Variants in FBXL2 observed in about 807,000 individuals in gnomAD.
FBXL2 encodes the protein F-box/LRR-repeat protein 2.
Under a neutral mutation model 69.2 loss-of-function variants are expected in FBXL2, and 38 were observed. The ratio of observed to expected loss-of-function variants is 0.55; its 90% CI spans 0.42 to 0.72. The LOEUF is 0.72. FBXL2 is among the 30% of genes least tolerant of loss of function. The pLI is 0.00. For synonymous variants in FBXL2, 192 were observed against 201.3 expected, an observed-to-expected ratio of 0.95 and a Z score of 0.39; for missense variants, 354 against 520.3, an observed-to-expected ratio of 0.68 and a Z score of 3.11.
downstream of FBXL2, chr3:33,392,661 C>T (rs372394505): frequency 3.9e-6 from 6 of 1,526,750 alleles, no homozygotes; most frequent in Non-Finnish European, 5.4e-6. Flanking sequence ...ATCCAACTGT[C>T]GTTTCTTAAA....
intron 2 of FBXL2, among the ~76,000 whole-genome samples, chr3:33,301,933 T>A (rs775041632): frequency 5.1e-4 from 78 of 152,220 alleles, no homozygotes; most frequent in Admixed American, 8.5e-4. Context: ...GTTACTTAAC[T>A]CTCTGGGCCT....
chr3:33,328,825 G>C (rs1222257960), intron 2 of FBXL2, among the ~76,000 whole-genome samples: 7 of 151,892 alleles, frequency 4.6e-5, no homozygotes, highest in African/African-American at 1.2e-4. Flanking sequence ...GTGTGTGTGT[G>C]TGTGTGTGTA....
intron 1 of FBXL2, among the ~76,000 whole-genome samples, chr3:33,291,316 G>T (rs1458397470): frequency 6.6e-6 from 1 of 152,078 alleles, no homozygotes; most frequent in Non-Finnish European, 1.5e-5. Flanking sequence ...GAGAAATAAA[G>T]ATATTTTTGA....
intron 1 of FBXL2, among the ~76,000 whole-genome samples, chr3:33,286,679 G>T (rs2034654192): frequency 6.6e-6 from 1 of 152,236 alleles, no homozygotes; most frequent in African/African-American, 2.4e-5. Context: ...GCTGCAGTGG[G>T]CTCCGCCCAG....
At chr3:33,409,160 A>G in the FBXL2 span, 23 of 1,388,692 alleles carry the variant, frequency 1.7e-5, no homozygotes, top group Non-Finnish European at 2.2e-5. Context: ...ACCCTTTTGT[A>G]GCAGAACTCA....
At chr3:33,331,328 G>A (rs1416568597) in intron 2 of FBXL2, among the ~76,000 whole-genome samples, 1 of 152,000 alleles carries the variant, frequency 6.6e-6, no homozygotes, top group East Asian at 1.9e-4. Flanking sequence ...CCAGTTACAG[G>A]TATCCTAAGA....
At chr3:33,328,186 T>C (rs994978248) in intron 2 of FBXL2, among the ~76,000 whole-genome samples, 1 of 152,080 alleles carries the variant, frequency 6.6e-6, no homozygotes, top group Non-Finnish European at 1.5e-5. Flanking sequence ...AAAACATTGA[T>C]GAAAGAAATT....
At chr3:33,373,526 T>G (rs1016336809) in intron 7 of FBXL2, 52 bp from the exon 8 acceptor site, 98 of 1,612,578 alleles carry the variant, frequency 6.1e-5, no homozygotes, top group Middle Eastern at 1.7e-4. Flanking sequence ...AGTTGGTCAT[T>G]AACTCTCTAC....
chr3:33,371,995 G>C (rs1476029135), intron 5 of FBXL2, among the ~76,000 whole-genome samples: 1 of 152,188 alleles, frequency 6.6e-6, no homozygotes, highest in East Asian at 1.9e-4. Context: ...TCTGGCTACT[G>C]TTTCCTTTAA....
intron 2 of FBXL2, among the ~76,000 whole-genome samples, chr3:33,343,128 T>A (rs1328251036): frequency 6.6e-6 from 1 of 151,964 alleles, no homozygotes; most frequent in African/African-American, 2.4e-5. Context: ...TACTCATGAA[T>A]TAGTATAGTA....
intron 2 of FBXL2, among the ~76,000 whole-genome samples, chr3:33,307,333 T>G (rs943066954): frequency 1.3e-5 from 2 of 152,174 alleles, no homozygotes; most frequent in Non-Finnish European, 2.9e-5. Context: ...TACAAAGTAA[T>G]TGGCCTATTT....
intron 2 of FBXL2, among the ~76,000 whole-genome samples, chr3:33,326,286 G>C (rs1328894947): frequency 6.6e-6 from 1 of 152,040 alleles, no homozygotes; most frequent in African/African-American, 2.4e-5. Flanking sequence ...GGATCACAAG[G>C]TCAGGAGATT....
At position 33,364,661 on chromosome 3, in the gene FBXL2, G is replaced by A; in HGVS notation, c.232G>A (p.Gly78Arg). ...GGAAAATATCTCGAAGCGATGCGGT[G>A]GATTCCTGAGGAAGCTCAGCTTGCG... ...VVENISKRCG[G>R]FLRKLSLRGC... is the part of the protein sequence containing the mutation. Residue 78 changes from glycine to arginine, a missense_variant, in exon 5 of 15, where the codon GGA (glycine) becomes AGA (arginine). Gly to Arg is a moderately radical substitution (Grantham distance 125). Coordinates refer to ENST00000484457, the MANE Select transcript of FBXL2 (RefSeq NM_012157.5). 6.2e-7 allele frequency: 1 copy of A among 1,614,198 alleles called. No homozygotes were observed. Among genetic ancestry groups the A allele is most frequent in the South Asian group, 1.1e-5 (1 of 91,076 alleles).
chr3:33,418,757 G>A, the FBXL2 span, among the ~76,000 whole-genome samples: 43 of 150,992 alleles, frequency 2.8e-4, no homozygotes, highest in African/African-American at 1.0e-3. Flanking sequence ...TACTTGGGAA[G>A]CTGAGGCAGA....
At chr3:33,422,277 A>G in the FBXL2 span, among the ~76,000 whole-genome samples, 1 of 152,006 alleles carries the variant, frequency 6.6e-6, no homozygotes, top group Non-Finnish European at 1.5e-5. Flanking sequence ...TATACCTTTA[A>G]GGACTACATC....
the FBXL2 span, among the ~76,000 whole-genome samples, chr3:33,411,004 C>T: frequency 6.8e-6 from 1 of 147,966 alleles, no homozygotes; most frequent in Admixed American, 6.9e-5. Context: ...ATCTGGGAGG[C>T]GGAGATTGCA....
chr3:33,396,726 T>G (rs181932171), intron 12 of FBXL2: 1 of 542,474 alleles, frequency 1.8e-6, no homozygotes, highest in Non-Finnish European at 3.5e-6. Context: ...TTGAAAACCA[T>G]AGATTCTGTA....
chr3:33,392,576 G>A (rs748652547), downstream of FBXL2: 30 of 1,607,634 alleles, frequency 1.9e-5, no homozygotes, highest in Non-Finnish European at 2.4e-5. Flanking sequence ...TTACTGTGGA[G>A]AATAAAAAAC....
chr3:33,377,686 T>TG (rs1341251421), intron 11 of FBXL2, among the ~76,000 whole-genome samples: 1 of 152,142 alleles, frequency 6.6e-6, no homozygotes, highest in Non-Finnish European at 1.5e-5. Flanking sequence ...GGGGCCCCTC[T>TG]GGACCTGCTG....
Sources: allele counts gnomAD v4.1 joint callset (sites outside exome capture counted in the v4.1 genomes callset), GRCh38; gene constraint gnomAD v4.1.1; transcripts MANE v1.5; gene names NCBI Gene and HGNC (gene_info 2026-07-23, HGNC 2026-07-21).